The following ABCC6 variants were observed in gnomAD, a reference collection of about 807,000 sequenced individuals.
ABCC6 encodes the protein ATP binding cassette subfamily C member 6, also known as ATP-binding cassette sub-family C member 6.
ABCC6 carries 126 observed loss-of-function variants against 169.5 expected under a neutral mutation model. That is an observed-to-expected ratio of 0.74 (90% CI 0.64 to 0.86). The LOEUF (loss-of-function observed/expected upper bound fraction) is 0.86, where lower values mean the gene tolerates loss of function less well. ABCC6 is among the 40% of genes least tolerant of loss of function. The pLI is 0.00. For missense variants in ABCC6, 1,733 were observed against 1,927.2 expected (o/e 0.90, Z 1.89); for synonymous variants, 752 against 814.7 (o/e 0.92, Z 1.31).
chr16:16,219,455 T>A (rs1425081462), intron 4 of ABCC6, 99 bp downstream of exon 4: 1 of 717,898 alleles, frequency 1.4e-6, no homozygotes, highest in South Asian at 1.7e-5. Flanking sequence ...TGTCACTGTA[T>A]AGAGAATAAG....
chr16:16,205,131 C>A (rs148526047), intron 7 of ABCC6, among the ~76,000 whole-genome samples: 5 of 152,222 alleles, frequency 3.3e-5, no homozygotes, highest in African/African-American at 1.2e-4. Flanking sequence ...CCACCATGCC[C>A]GGCCACTTAT....
chr16:16,198,305 T>C, intron 9 of ABCC6, 123 bp from the exon 10 acceptor site: 1 of 1,043,838 alleles, frequency 9.6e-7, no homozygotes, highest in Non-Finnish European at 1.4e-6. Context: ...GTAAAGTCTC[T>C]TAGGCCAACC....
At chr16:16,188,782 T>C (rs1391692904) in intron 13 of ABCC6, 49 bp downstream of exon 13, 1 of 1,589,504 alleles carries the variant, frequency 6.3e-7, no homozygotes. Context: ...GAGCCAGGTG[T>C]AGCCCACGCA....
chr16:16,165,547 G>A (rs1377621800), intron 23 of ABCC6, 76 bp downstream of exon 23: 2 of 1,521,478 alleles, frequency 1.3e-6, no homozygotes, highest in Non-Finnish European at 1.8e-6. Context: ...CCTCATATAT[G>A]GAGTCTTCCC....
In ABCC6 at chr16:16,150,178, C is replaced by A. The variant is rs2046346608; in HGVS notation, c.4467G>T (p.Gln1489His). 1 of 1,613,402 alleles carries A rather than the reference C, an allele frequency of 6.2e-7. No homozygotes were observed. Among genetic ancestry groups the A allele is most frequent in the Non-Finnish European group, 8.5e-7 (1 of 1,180,000 alleles). The part of the protein sequence containing the change: ...ESGSPAQLLA[Q>H]KGLFYRLAQE... ...GGGCCAGTCTGTAAAACAGGCCCTT[C>A]TGGGCCAGCAGCTGGGCCGGGCTGC... The change falls in exon 31 of 31, where the codon CAG becomes CAT. Residue 1489 changes from glutamine to histidine, a missense_variant. Coordinates refer to ENST00000205557, the MANE Select transcript of ABCC6 (RefSeq NM_001171.6).
intron 11 of ABCC6, 40 bp downstream of exon 11, chr16:16,192,790 C>G (rs760363718): frequency 1.8e-5 from 28 of 1,574,840 alleles, no homozygotes; most frequent in Non-Finnish European, 2.2e-5. Flanking sequence ...GGCTTCCTCC[C>G]TACTTCCTGC....
At chr16:16,154,519 C>T in intron 29 of ABCC6, 109 bp downstream of exon 29, 1 of 1,367,322 alleles carries the variant, frequency 7.3e-7, no homozygotes, top group Non-Finnish European at 1.0e-6. Context: ...ATTAATGTAA[C>T]AGAGTGATAA....
At chr16:16,154,216 G>T (rs967102910) in intron 29 of ABCC6, among the ~76,000 whole-genome samples, 1 of 151,900 alleles carries the variant, frequency 6.6e-6, no homozygotes, top group Non-Finnish European at 1.5e-5. Context: ...TGAAGTGCTG[G>T]GATTACAGGC....
At chr16:16,185,449 TATC>T (rs1397597614) in intron 14 of ABCC6, among the ~76,000 whole-genome samples, 1 of 152,182 alleles carries the variant, frequency 6.6e-6, no homozygotes, top group Non-Finnish European at 1.5e-5. Flanking sequence ...TGAAATAAAT[TATC>T]ATCAAATCCC....
At chr16:16,221,627 G>A (rs1472010036) in intron 2 of ABCC6, 22 bp downstream of exon 2, 1 of 1,613,354 alleles carries the variant, frequency 6.2e-7, no homozygotes, top group Non-Finnish European at 8.5e-7. Flanking sequence ...CCTGGTTCCA[G>A]GCTCCCAGGG....
chr16:16,210,446 C>G (rs1345657414), intron 6 of ABCC6, among the ~76,000 whole-genome samples: 1 of 152,112 alleles, frequency 6.6e-6, no homozygotes, highest in Non-Finnish European at 1.5e-5. Flanking sequence ...CACCAAGTTC[C>G]CTTTTCTAAT....
intron 19 of ABCC6, 90 bp downstream of exon 19, chr16:16,177,362 A>C: frequency 1.4e-6 from 2 of 1,460,302 alleles, no homozygotes; most frequent in South Asian, 1.1e-5. Flanking sequence ...TGGCCAGAGC[A>C]CTCCATTCAT....
chr16:16,151,821 G>A (rs1220130179), intron 29 of ABCC6, among the ~76,000 whole-genome samples: 1 of 152,124 alleles, frequency 6.6e-6, no homozygotes, highest in East Asian at 1.9e-4. Flanking sequence ...TCCATAATTT[G>A]AACCCAAGTC....
At chr16:16,152,789 T>A (rs2046427467) in intron 29 of ABCC6, among the ~76,000 whole-genome samples, 1 of 152,076 alleles carries the variant, frequency 6.6e-6, no homozygotes. Context: ...GTGTATACTC[T>A]TACCCACCAA....
rs566671584 is a variant in ABCC6 at position 16,150,192 on chromosome 16, G to A, written c.4453C>T (p.Gln1485Ter). 1 of 1,613,624 alleles carries A rather than the reference G, an allele frequency of 6.2e-7. No individual in the cohort carries two copies. Among genetic ancestry groups the A allele is most frequent in the Non-Finnish European group, 8.5e-7 (1 of 1,180,014 alleles). ...AACAGGCCCTTCTGGGCCAGCAGCT[G>A]GGCCGGGCTGCCGCTCTCTGCCACC... The part of the protein sequence containing the change: ...GQVAESGSPA[Q>*]LLAQKGLFYR... Residue 1485 changes from glutamine to a stop codon, truncating the protein, a stop_gained, in exon 31 of 31, where the codon CAG becomes TAG. Transcript: ENST00000205557. LOFTEE classifies it high-confidence loss of function.
chr16:16,155,423 T>G (rs1418015241), intron 27 of ABCC6: 1 of 291,530 alleles, frequency 3.4e-6, no homozygotes, highest in East Asian at 7.1e-5. Flanking sequence ...CATCCATCCA[T>G]CCATCATCCA....
At chr16:16,214,543 G>C (rs1596758185) in intron 4 of ABCC6, 94 bp from the exon 5 acceptor site, 2 of 1,546,458 alleles carry the variant, frequency 1.3e-6, no homozygotes, top group African/African-American at 1.4e-5. Context: ...TGCCCACTCT[G>C]GGGACCAGGG....
intron 17 of ABCC6, among the ~76,000 whole-genome samples, chr16:16,181,523 G>A (rs1293255291): frequency 1.3e-5 from 2 of 152,136 alleles, no homozygotes; most frequent in African/African-American, 4.8e-5. Flanking sequence ...AGAGGGAACA[G>A]CAGTGCAAAG....
In ABCC6 at chr16:16,209,785, G is replaced by A. The variant is rs1596738683; in HGVS notation, c.663-926C>T. Among the ~76,000 whole-genome samples the A allele has an allele frequency of 2.0e-5, 3 of 152,006 alleles. No individual in the cohort carries two copies. In the East Asian group the frequency reaches 5.9e-4, roughly 30 times the overall value. On this transcript the variant is annotated intron_variant, in intron 6 of 30. Transcript: ENST00000205557. ...CTGGCTAATTTTTGTGTTTTTGGAT[G>A]GTGTATCACCATGCTGGCCAGGCTG...
Sources: gnomAD v4.1 joint callset for allele counts (sites outside exome capture counted in the v4.1 genomes callset) on GRCh38, gnomAD v4.1.1 for gene constraint, MANE v1.5 for transcripts, NCBI Gene and HGNC (gene_info 2026-07-23, HGNC 2026-07-21) for gene names.